Variants in OSBP2 observed in about 807,000 individuals in gnomAD.
OSBP2 encodes oxysterol-binding protein 2.
OSBP2 carries 66 observed loss-of-function variants against 96.0 expected under a neutral mutation model. The ratio of observed to expected loss-of-function variants is 0.69; its 90% CI spans 0.56 to 0.84. The LOEUF is 0.84. Ranked by LOEUF, OSBP2 falls within the 40% of genes least tolerant of loss-of-function variation. The pLI is 0.00. For missense variants in OSBP2, 1,038 were observed against 1,222.7 expected (o/e 0.85, Z 2.25); for synonymous variants, 525 against 520.9 (o/e 1.01, Z -0.11).
intron 2 of OSBP2, among the ~76,000 whole-genome samples, chr22:30,858,561 C>T (rs942352772): frequency 2.6e-5 from 4 of 151,874 alleles, no homozygotes; most frequent in African/African-American, 9.7e-5. Context: ...TGGCAAATAC[C>T]TACACACTAC....
chr22:30,853,206 T>C (rs2039008926), intron 2 of OSBP2, among the ~76,000 whole-genome samples: 1 of 152,248 alleles, frequency 6.6e-6, no homozygotes, highest in African/African-American at 2.4e-5. Context: ...AGCTGTATTG[T>C]ATTATCGTAT....
At chr22:30,831,515 G>C (rs763117219) in intron 2 of OSBP2, among the ~76,000 whole-genome samples, 3 of 152,200 alleles carry the variant, frequency 2.0e-5, no homozygotes, top group Non-Finnish European at 4.4e-5. Context: ...TTGGGGTTCA[G>C]AGAAGTGGTC....
intron 1 of OSBP2, among the ~76,000 whole-genome samples, chr22:30,704,439 G>T (rs537177259): frequency 3.3e-5 from 5 of 152,156 alleles, no homozygotes; most frequent in African/African-American, 9.6e-5. Flanking sequence ...AGAGCCCAGG[G>T]TTTTTACTGG....
intron 2 of OSBP2, among the ~76,000 whole-genome samples, chr22:30,858,246 A>G (rs1007097952): frequency 1.6e-3 from 248 of 150,324 alleles, no homozygotes; most frequent in Non-Finnish European, 2.5e-3. Flanking sequence ...TCCCGGGTTC[A>G]CGCCATTCTC....
Position 30,730,463 on chromosome 22 carries a change from T to C in OSBP2, c.645-10698T>C, listed in dbSNP as rs191257098. Among the ~76,000 whole-genome samples the C allele has an allele frequency of 1.8e-3, 280 of 152,116 alleles. 1 individual carries two copies. Among genetic ancestry groups the C allele is most frequent in the Non-Finnish European group, 6.3e-4 (43 of 67,996 alleles). On this transcript the variant is annotated intron_variant, in intron 1 of 13. Transcript: ENST00000332585. ...CCTGTGTCCTTCCCAAGCTAGACCATTGAGGCCAGAAAGATGTGTCGTATT... is the reference window on the plus strand; with the variant it reads ...CCTGTGTCCTTCCCAAGCTAGACCACTGAGGCCAGAAAGATGTGTCGTATT...
intron 1 of OSBP2, among the ~76,000 whole-genome samples, chr22:30,717,536 G>A (rs2089482457): frequency 6.6e-6 from 1 of 152,096 alleles, no homozygotes; most frequent in African/African-American, 2.4e-5. Flanking sequence ...CAGGAAAGTG[G>A]ACCTCTAGAG....
chr22:30,778,950 C>T (rs1293829437), intron 2 of OSBP2, among the ~76,000 whole-genome samples: 3 of 150,834 alleles, frequency 2.0e-5, no homozygotes, highest in Admixed American at 6.6e-5. Context: ...GCAAGAGAAT[C>T]GCTTGAACCT....
chr22:30,733,199 A>G (rs1353536521), intron 1 of OSBP2, among the ~76,000 whole-genome samples: 2 of 152,160 alleles, frequency 1.3e-5, no homozygotes, highest in Non-Finnish European at 2.9e-5. Context: ...TCGGGCACTC[A>G]GTGGAGCCGC....
Position 30,906,292 on chromosome 22 carries a change from G to C in OSBP2, c.2704G>C (p.Glu902Gln). The part of the protein sequence containing the change: ...MACVYKGGYW[E>Q]AKEKQDWHMC... ...CTGTGTGTACAAGGGCGGCTACTGGGAGGCCAAGGAGAAGCAAGACTGGCA... is the reference window on the plus strand; with the variant it reads ...CTGTGTGTACAAGGGCGGCTACTGGCAGGCCAAGGAGAAGCAAGACTGGCA... Residue 902 changes from glutamate to glutamine, a missense_variant, in exon 14 of 14, where the codon GAG becomes CAG. This residue lies in a region of OSBP2 where 737 missense variants were observed against 913.3 expected (regional missense o/e 0.81). Transcript: ENST00000332585. 1 of 1,613,814 alleles carries C rather than the reference G, an allele frequency of 6.2e-7. No individual in the cohort carries two copies. The highest frequency in any genetic ancestry group is 8.5e-7 in the Non-Finnish European group (1 of 1,179,808).
intron 2 of OSBP2, among the ~76,000 whole-genome samples, chr22:30,823,933 A>T (rs1345866644): frequency 6.6e-6 from 1 of 152,152 alleles, no homozygotes; most frequent in Non-Finnish European, 1.5e-5. Context: ...ATCGGTTTGG[A>T]TGGATTTATT....
At chr22:30,695,951 CA>C (rs1340301980) in intron 1 of OSBP2, among the ~76,000 whole-genome samples, 1 of 152,084 alleles carries the variant, frequency 6.6e-6, no homozygotes, top group Non-Finnish European at 1.5e-5. Flanking sequence ...GGGAGAGAGT[CA>C]CCTTGTTCAG....
intron 2 of OSBP2, chr22:30,822,722 C>T (rs1436591637): frequency 2.0e-6 from 3 of 1,519,098 alleles, no homozygotes; most frequent in Non-Finnish European, 2.6e-6. Context: ...TAGTGCTTGC[C>T]GGGCTTCCAC....
chr22:30,726,495 GA>G (rs2089652952), intron 1 of OSBP2, among the ~76,000 whole-genome samples: 1 of 152,062 alleles, frequency 6.6e-6, no homozygotes, highest in African/African-American at 2.4e-5. Context: ...TGGGGACAAG[GA>G]GAGGGAGAGC....
rs1195138343 is a variant in OSBP2, at chr22:30,881,328, G to A, written c.1108-6098G>A. On this transcript the variant is annotated intron_variant, in intron 3 of 13. Transcript: ENST00000332585. The surrounding 1 kb of genome is among the most constrained non-coding windows in gnomAD (Gnocchi z 4.5). ...GTAGGAGCCCAGGAGGGCGCCAGGA[G>A]ATTACAGGCCTGTCCCAGGATTGGG... Among the ~76,000 whole-genome samples, 1 of 152,202 alleles carries A rather than the reference G, an allele frequency of 6.6e-6. No individual in the cohort carries two copies. Among genetic ancestry groups the A allele is most frequent in the African/African-American group, 2.4e-5 (1 of 41,448 alleles).
chr22:30,693,947 C>T (rs1002980906), upstream of OSBP2: 6 of 902,552 alleles, frequency 6.6e-6, no homozygotes, highest in African/African-American at 7.2e-5. Flanking sequence ...CCTGGGCTAC[C>T]GAGTGAGACT....
intron 2 of OSBP2, among the ~76,000 whole-genome samples, chr22:30,743,903 T>G (rs1464048817): frequency 1.3e-5 from 2 of 152,040 alleles, no homozygotes; most frequent in African/African-American, 4.8e-5. Context: ...CTGCCCAGAC[T>G]TCATCTAGGG....
Position 30,748,063 on chromosome 22 carries a change from G to C in OSBP2, c.853+6694G>C, listed in dbSNP as rs559526333. 2.0e-5 allele frequency among the ~76,000 whole-genome samples: 3 copies of C among 151,898 alleles called. No homozygotes were observed. In the East Asian group the frequency reaches 5.8e-4, roughly 29 times the overall value. ...AGCTAATTTTTGTATTTTTAGTAGA[G>C]GCAGGGTTTTACCATGTTGGGCAGG... On this transcript the variant is annotated intron_variant, in intron 2 of 13. Coordinates refer to ENST00000332585, the MANE Select transcript of OSBP2 (RefSeq NM_030758.4).
rs2039468027 is a variant in OSBP2 at position 30,871,959 on chromosome 22, G to A, written c.1107+1277G>A. Among the ~76,000 whole-genome samples, 1 of 152,252 alleles carries A rather than the reference G, an allele frequency of 6.6e-6. No homozygotes were observed. Among genetic ancestry groups the A allele is most frequent in the African/African-American group, 2.4e-5 (1 of 41,464 alleles). ...GCAGCCTTGGGAATCCCACCCTGGG[G>A]CCTGAGGCTGGGCGAGGTGTGCCCC... On this transcript the variant is annotated intron_variant, in intron 3 of 13. Transcript: ENST00000332585. The surrounding 1 kb of genome is among the most constrained non-coding windows in gnomAD (Gnocchi z 4.7).
intron 1 of OSBP2, among the ~76,000 whole-genome samples, chr22:30,707,112 T>G (rs2089266868): frequency 6.6e-6 from 1 of 152,150 alleles, no homozygotes; most frequent in Non-Finnish European, 1.5e-5. Context: ...AAGCTTTTTT[T>G]TTTGAGACGG....
Sources: gnomAD v4.1 joint callset for allele counts (sites outside exome capture counted in the v4.1 genomes callset) on GRCh38, gnomAD v4.1.1 for gene constraint, gnomAD v4.1.1 regional missense constraint, Gnocchi (gnomAD v3.1) non-coding constraint, MANE v1.5 for transcripts, NCBI Gene and HGNC (gene_info 2026-07-23, HGNC 2026-07-21) for gene names.